Variants in H2AZ2 observed in about 807,000 individuals in gnomAD.
H2AZ2 encodes histone H2A.V.
H2AZ2 carries 5 observed loss-of-function variants against 15.5 expected under a neutral mutation model. That is an observed-to-expected ratio of 0.32 (90% CI 0.17 to 0.68). H2AZ2 has a LOEUF of 0.68. Among genes scored for constraint, H2AZ2 ranks in the 30% least tolerant of loss-of-function variants. The probability of loss-of-function intolerance (pLI) is 0.72; values close to 1 mark genes in which losing one functional copy is unlikely to be tolerated. For synonymous variants in H2AZ2, 44 were observed against 57.4 expected (o/e 0.77, Z 1.05); for missense variants, 42 against 162.5 (o/e 0.26, Z 4.03).
Position 44,848,071 on chromosome 7 carries a change from G to A in H2AZ2, c.-100C>T, listed in dbSNP as rs1280930734. 3.0e-6 allele frequency: 2 copies of A among 677,238 alleles called. No homozygotes were observed. The highest frequency in any genetic ancestry group is 3.9e-5 in the East Asian group (1 of 25,768). 42.0% of individuals were successfully genotyped at this position (677,238 alleles called of 1,614,324 possible). On this transcript the variant is annotated 5_prime_UTR_variant, in exon 1 of 5. Transcript: ENST00000308153. The stretch of plus-strand genomic sequence containing the variant: ...CGCAGCACCGACCGCCGCCGCCGGA[G>A]CCGGACAATACCCCGTGCCCGCCTC...
At position 44,834,020 on chromosome 7, in the gene H2AZ2, G is replaced by C. The variant is rs1241167276; in HGVS notation, c.*481C>G. 9.9e-6 allele frequency: 3 copies of C among 302,490 alleles called. No individual in the cohort carries two copies. The highest frequency in any genetic ancestry group is 1.3e-4 in the South Asian group (1 of 7,640). The allele number at this position is 302,490 out of a possible 1,614,324, so 18.7% of individuals were successfully genotyped here. A position where few individuals can be genotyped will look rare whatever the true frequency, so the allele number is the denominator to read the frequency against. On this transcript the variant is annotated 3_prime_UTR_variant, in exon 5 of 5. Transcript: ENST00000308153. ...TTGATGGCATATCATGATTTAATTG[G>C]CAGGTTTTTTCCTTAGTCGTTTGTA... is the stretch of plus-strand genomic sequence containing the variant.
rs189823069 is a variant in H2AZ2 at position 44,844,435 on chromosome 7, T to C, written c.4-1081A>G. On this transcript the variant is annotated intron_variant, in intron 1 of 4. Transcript: ENST00000308153. ...AAAGCAGATTTGTGGTTGCCAGGGG[T>C]AGCTGCCTCCTGGGTTCAAGTGATT... is the stretch of plus-strand genomic sequence containing the variant. Among the ~76,000 whole-genome samples the C allele has an allele frequency of 3.1e-3, 479 of 152,196 alleles. 4 individuals are homozygous for C. The highest frequency in any genetic ancestry group is 0.01 in the African/African-American group (430 of 41,522).
At chr7:44,843,403 C>T in intron 1 of H2AZ2, 49 bp from the exon 2 acceptor site, 1 of 1,252,546 alleles carries the variant, frequency 8.0e-7, no homozygotes, top group Non-Finnish European at 1.2e-6. Context: ...GAAAATACTA[C>T]TTCAAAAATA....
Position 44,840,906 on chromosome 7 carries a change from G to T in H2AZ2, c.188C>A (p.Thr63Asn), listed in dbSNP as rs1438574747. The stretch of plus-strand genomic sequence containing the variant: ...AGACATTCCTGTACAAACCTCTGCA[G>T]TGAGGTACTCCAGAATCGCAGCACT... The part of the protein sequence containing the change: ...VYSAAILEYL[T>N]AEVLELAGNA... Residue 63 changes from threonine to asparagine, a missense_variant, in exon 3 of 5, where the codon ACT (threonine) becomes AAT (asparagine). By Grantham distance (65) the Thr-to-Asn change is moderately conservative (BLOSUM62 0). Coordinates refer to ENST00000308153, the MANE Select transcript of H2AZ2 (RefSeq NM_012412.5). 1 of 1,611,470 alleles carries T rather than the reference G, an allele frequency of 6.2e-7. No individual in the cohort carries two copies. The highest frequency in any genetic ancestry group is 8.5e-7 in the Non-Finnish European group (1 of 1,177,616).
chr7:44,830,070 C>T, downstream of H2AZ2: 1 of 1,459,562 alleles, frequency 6.9e-7, no homozygotes, highest in Non-Finnish European at 9.6e-7. Context: ...CAGCTCAGCA[C>T]ACATCCCAGT....
At chr7:44,830,187 T>C (rs761133088), downstream of H2AZ2, 2 of 1,611,422 alleles carry the variant, frequency 1.2e-6, no homozygotes, top group African/African-American at 1.3e-5. Context: ...ACAGGACAAA[T>C]AGAGAATAAA....
intron 3 of H2AZ2, among the ~76,000 whole-genome samples, chr7:44,840,625 G>T (rs1382651485): frequency 1.3e-5 from 2 of 152,108 alleles, no homozygotes; most frequent in African/African-American, 4.8e-5. Flanking sequence ...ACAAAAATTA[G>T]CTGGGCACAG....
At chr7:44,846,060 C>CAGAGAGAGAGAG (rs1167886736) in intron 1 of H2AZ2, among the ~76,000 whole-genome samples, 1 of 78,192 alleles carries the variant, frequency 1.3e-5, no homozygotes, top group Non-Finnish European at 3.1e-5. Flanking sequence ...CACACACACA[C>CAGAGAGAGAGAG]ACAGAGAGAG....
At chr7:44,838,708 G>T (rs1390318653) in intron 3 of H2AZ2, among the ~76,000 whole-genome samples, 2 of 152,148 alleles carry the variant, frequency 1.3e-5, no homozygotes, top group Non-Finnish European at 2.9e-5. Context: ...TCATGACACA[G>T]AGAAGCTGAA....
downstream of H2AZ2, chr7:44,828,460 T>C (rs1328827217): frequency 6.6e-6 from 1 of 152,218 alleles, no homozygotes; most frequent in Non-Finnish European, 1.5e-5. Flanking sequence ...GTGTCTTACA[T>C]GTGTTCTCAT....
intron 2 of H2AZ2, among the ~76,000 whole-genome samples, chr7:44,841,657 G>A (rs116710744): frequency 0.016 from 2,408 of 152,174 alleles, 69 homozygotes; most frequent in African/African-American, 0.055. Context: ...TTATAGGCGC[G>A]CCAGGACGCC....
intron 2 of H2AZ2, among the ~76,000 whole-genome samples, chr7:44,841,320 A>G (rs1461480474): frequency 2.0e-5 from 3 of 152,218 alleles, no homozygotes; most frequent in Non-Finnish European, 4.4e-5. Context: ...ATTTCTTCAC[A>G]TAATAGCCAC....
rs36047398 is a variant in H2AZ2 at position 44,833,775 on chromosome 7, C to T, written c.*726G>A. 295,306 of 795,302 alleles carry T rather than the reference C, an allele frequency of 0.37. 58,437 individuals carry two copies. The highest frequency in any genetic ancestry group is 0.4 in the Non-Finnish European group (259,614 of 656,234). 49.3% of individuals were successfully genotyped at this position (795,302 alleles called of 1,614,324 possible). On this transcript the variant is annotated 3_prime_UTR_variant, in exon 5 of 5. Transcript: ENST00000308153. ...TCCTAGCTCTGTCATTTTCTATCTA[C>T]CAGTTCAATGTTTTTTGGCATAGCA...
At chr7:44,834,710 G>C (rs1793074651) in intron 4 of H2AZ2, 148 bp from the exon 5 acceptor site, 1 of 652,206 alleles carries the variant, frequency 1.5e-6, no homozygotes, top group African/African-American at 1.8e-5. Flanking sequence ...ACACCCCAGG[G>C]GTCTGTGAAC....
downstream of H2AZ2, among the ~76,000 whole-genome samples, chr7:44,831,534 C>G (rs917619542): frequency 6.6e-6 from 1 of 151,772 alleles, no homozygotes; most frequent in African/African-American, 2.4e-5. Flanking sequence ...TTGCACTCCC[C>G]CCCCCGCTTC....
At chr7:44,831,828 T>C (rs1040570594), downstream of H2AZ2, among the ~76,000 whole-genome samples, 1 of 152,180 alleles carries the variant, frequency 6.6e-6, no homozygotes, top group Non-Finnish European at 1.5e-5. Flanking sequence ...AGAACTTTTG[T>C]AATGAATGGA....
chr7:44,830,055 T>C (rs1051847673), downstream of H2AZ2: 21 of 1,286,174 alleles, frequency 1.6e-5, no homozygotes, highest in Non-Finnish European at 2.1e-5. Flanking sequence ...GGCAGTTCCT[T>C]GGTTCAGCTC....
intron 3 of H2AZ2, among the ~76,000 whole-genome samples, chr7:44,838,742 G>C (rs564874652): frequency 6.6e-6 from 1 of 152,102 alleles, no homozygotes; most frequent in Non-Finnish European, 1.5e-5. Context: ...TCCATAATTC[G>C]ATGTTAAATC....
At chr7:44,838,123 C>G (rs1226548696) in intron 3 of H2AZ2, among the ~76,000 whole-genome samples, 1 of 151,788 alleles carries the variant, frequency 6.6e-6, no homozygotes, top group Non-Finnish European at 1.5e-5. Flanking sequence ...CACAGACACA[C>G]GCCACCATGC....
Sources: gnomAD v4.1 joint callset for allele counts (sites outside exome capture counted in the v4.1 genomes callset) on GRCh38, gnomAD v4.1.1 for gene constraint, MANE v1.5 for transcripts, NCBI Gene and HGNC (gene_info 2026-07-23, HGNC 2026-07-21) for gene names.